The following STX19 variants were observed in gnomAD, a reference collection of about 807,000 sequenced individuals.
STX19 encodes the protein syntaxin 19.
STX19 carries 26 observed loss-of-function variants against 24.3 expected under a neutral mutation model. The observed-to-expected ratio is 1.07, with a 90% CI of 0.78 to 1.48. The LOEUF (loss-of-function observed/expected upper bound fraction) is 1.48, where lower values mean the gene tolerates loss of function less well. Among genes scored for constraint, STX19 ranks in the 40% most tolerant of loss-of-function variants. The pLI is 0.00. For synonymous variants in STX19, 116 were observed against 106.9 expected (o/e 1.09, Z -0.52); for missense variants, 367 against 331.9 (o/e 1.11, Z -0.82).
intron 1 of STX19, among the ~76,000 whole-genome samples, chr3:94,027,876 T>C (rs1481303700): frequency 6.6e-6 from 1 of 152,124 alleles, no homozygotes; most frequent in Non-Finnish European, 1.5e-5. Flanking sequence ...TTTTTTCAAT[T>C]TTAGAAGATT....
Position 94,014,658 on chromosome 3 carries a change from G to T in STX19, c.612C>A (p.Ile204=), listed in dbSNP as rs1336986944. 2.5e-6 allele frequency: 4 copies of T among 1,613,530 alleles called. No individual in the cohort carries two copies. In the East Asian group the frequency reaches 8.9e-5, roughly 36 times the overall value. The change falls in exon 2 of 2, where the codon ATC becomes ATA. Residue 204 remains isoleucine (I), a synonymous_variant. Transcript: ENST00000315099. ...FNESLLTEIN[I]TKAQLSEIEQ... ...CAATCTCTGAAAGTTGTGCTTTAGT[G>T]ATATTGATTTCTGTAAGTAAGCTTT... is the stretch of plus-strand genomic sequence containing the variant.
rs35783437 is a variant in STX19, at chr3:94,021,199, T to TAA, written c.-13-5919_-13-5918dup. ...TAATATTATTATATATATATATATA[T>TAA]AATTTTTTTTTTGAGACAGGGTCTC... is the stretch of plus-strand genomic sequence containing the variant. On this transcript the variant is annotated intron_variant, in intron 1 of 1. Transcript: ENST00000315099. Among the ~76,000 whole-genome samples the TAA allele has an allele frequency of 2.7e-5, 4 of 148,852 alleles. No individual in the cohort carries two copies. The East Asian group carries it at 5.8e-4, about 22-fold the overall frequency.
intron 1 of STX19, among the ~76,000 whole-genome samples, chr3:94,016,229 A>C (rs767506561): frequency 3.3e-5 from 5 of 152,170 alleles, no homozygotes; most frequent in Admixed American, 6.5e-5. Flanking sequence ...ACATTTTTGA[A>C]GATAAGAAGA....
intron 1 of STX19, among the ~76,000 whole-genome samples, chr3:94,019,275 C>T (rs952601272): frequency 6.6e-6 from 1 of 152,012 alleles, no homozygotes; most frequent in Non-Finnish European, 1.5e-5. Context: ...TGGCTCACTG[C>T]ACCCTCCATC....
chr3:94,027,050 T>C (rs1246089101), intron 1 of STX19, among the ~76,000 whole-genome samples: 1 of 152,142 alleles, frequency 6.6e-6, no homozygotes, highest in African/African-American at 2.4e-5. Flanking sequence ...CTGGGATAGA[T>C]ACTTAGTGTA....
intron 1 of STX19, among the ~76,000 whole-genome samples, chr3:94,027,898 CAATG>C (rs2076591095): frequency 6.6e-6 from 1 of 151,998 alleles, no homozygotes; most frequent in Non-Finnish European, 1.5e-5. Flanking sequence ...TAGTAAACAA[CAATG>C]AAGCAATTAA....
In STX19 at chr3:94,014,675, G is replaced by A; in HGVS notation, c.595C>T (p.Leu199Phe). 6.2e-7 allele frequency: 1 copy of A among 1,613,446 alleles called. No homozygotes were observed. The highest frequency in any genetic ancestry group is 8.5e-7 in the Non-Finnish European group (1 of 1,179,904). ...GCTTTAGTGATATTGATTTCTGTAA[G>A]TAAGCTTTCATTAAAAACTTCCCAT... ...GKWEVFNESL[L>F]TEINITKAQL... is the part of the protein sequence containing the mutation. Residue 199 changes from leucine to phenylalanine, a missense_variant, in exon 2 of 2, where the codon CTT becomes TTT. Coordinates refer to ENST00000315099, the MANE Select transcript of STX19 (RefSeq NM_001001850.3).
intron 1 of STX19, among the ~76,000 whole-genome samples, chr3:94,024,948 TA>T (rs542376581): frequency 1.2e-4 from 18 of 152,156 alleles, no homozygotes; most frequent in Non-Finnish European, 2.4e-4. Flanking sequence ...CATCATAGTT[TA>T]AAAATTTTTA....
At chr3:94,023,058 C>T (rs1241269004) in intron 1 of STX19, among the ~76,000 whole-genome samples, 2 of 151,886 alleles carry the variant, frequency 1.3e-5, no homozygotes, top group Non-Finnish European at 2.9e-5. Flanking sequence ...TTTATATTCT[C>T]TATTTTTGAT....
intron 1 of STX19, among the ~76,000 whole-genome samples, chr3:94,020,654 A>C (rs1414148476): frequency 6.6e-6 from 1 of 152,224 alleles, no homozygotes; most frequent in African/African-American, 2.4e-5. Flanking sequence ...AGATATTAAA[A>C]GTTTATTCGG....
chr3:94,025,995 A>G (rs926053793), intron 1 of STX19, among the ~76,000 whole-genome samples: 5 of 149,978 alleles, frequency 3.3e-5, no homozygotes, highest in African/African-American at 7.3e-5. Flanking sequence ...ATGTTTCCTC[A>G]TCATTTCTGG....
At chr3:94,016,727 A>G (rs913869937) in intron 1 of STX19, among the ~76,000 whole-genome samples, 1 of 151,690 alleles carries the variant, frequency 6.6e-6, no homozygotes. Context: ...GCTCACTGCA[A>G]CTTCTGCCTC....
intron 1 of STX19, among the ~76,000 whole-genome samples, chr3:94,023,489 CT>C (rs974828107): frequency 6.7e-6 from 1 of 150,188 alleles, no homozygotes. Context: ...TACGGTCTTG[CT>C]TTTTTTTTAA....
chr3:94,020,678 A>G (rs1313852187), intron 1 of STX19, among the ~76,000 whole-genome samples: 1 of 152,204 alleles, frequency 6.6e-6, no homozygotes, highest in Non-Finnish European at 1.5e-5. Flanking sequence ...CATTTGCTGT[A>G]TTACTTTATT....
rs1445621267 is a variant in STX19, at chr3:94,014,705, C to A, written c.565G>T (p.Gly189Ter). 3 of 1,612,696 alleles carry A rather than the reference C, an allele frequency of 1.9e-6. No individual in the cohort carries two copies. In the Admixed American group the frequency reaches 5.0e-5, roughly 27 times the overall value. The change falls in exon 2 of 2, where the codon GGA (glycine) becomes TGA (stop). Residue 189 changes from glycine to a stop codon, truncating the protein, a stop_gained. Transcript: ENST00000315099. LOFTEE classifies it high-confidence loss of function. The stretch of plus-strand genomic sequence containing the variant: ...CTTTCATTAAAAACTTCCCATTTTC[C>A]TTGATGAAGCATATCATTTACATCT... Reference protein sequence around the residue: ...EEDVNDMLHQGKWEVFNESLL... With the variant: ...EEDVNDMLHQ
intron 1 of STX19, among the ~76,000 whole-genome samples, chr3:94,019,017 C>T (rs2076392917): frequency 1.3e-5 from 2 of 152,152 alleles, no homozygotes; most frequent in African/African-American, 4.8e-5. Flanking sequence ...CCGCCCTCTT[C>T]GGCCTCCCAA....
At chr3:94,021,777 T>C (rs956612110) in intron 1 of STX19, among the ~76,000 whole-genome samples, 13 of 152,192 alleles carry the variant, frequency 8.5e-5, no homozygotes, top group Admixed American at 6.5e-4. Flanking sequence ...ATAAGCTCTT[T>C]CTAGTATTAC....
chr3:94,016,485 T>G (rs2076335606), intron 1 of STX19, among the ~76,000 whole-genome samples: 1 of 152,146 alleles, frequency 6.6e-6, no homozygotes, highest in Non-Finnish European at 1.5e-5. Context: ...ATTAAAATAG[T>G]GTGGAACTTT....
chr3:94,015,161 G>A lies in STX19; in HGVS notation c.109C>T (p.Gln37Ter). The change falls in exon 2 of 2, where the codon CAA becomes TAA. Residue 37 changes from glutamine (Q) to a stop codon, truncating the protein, a stop_gained. Transcript: ENST00000315099. LOFTEE classifies it high-confidence loss of function. The part of the protein sequence containing the change: ...ETEEQGVFLQ[Q>*]AVIYEREPVA... ...GGCTCTCTTTCATAAATAACAGCTT[G>A]CTGTAGAAACACCCCTTGTTCCTCT... 2 of 1,613,914 alleles carry A rather than the reference G, an allele frequency of 1.2e-6. No individual in the cohort carries two copies. The highest frequency in any genetic ancestry group is 1.3e-5 in the African/African-American group (1 of 75,050).
Sources: gnomAD v4.1 joint callset for allele counts (sites outside exome capture counted in the v4.1 genomes callset) on GRCh38, gnomAD v4.1.1 for gene constraint, MANE v1.5 for transcripts, NCBI Gene and HGNC (gene_info 2026-07-23, HGNC 2026-07-21) for gene names.